Variants in MLLT3 observed in about 807,000 individuals in gnomAD.
The protein encoded by MLLT3 is protein AF-9.
Under a neutral mutation model 53.2 loss-of-function variants are expected in MLLT3, and 4 were observed. The ratio of observed to expected loss-of-function variants is 0.08; its 90% confidence interval spans 0.04 to 0.17. The LOEUF is 0.17. Among genes scored for constraint, MLLT3 ranks in the 10% least tolerant of loss-of-function variants. The pLI is 1.00. For synonymous variants in MLLT3, 283 were observed against 230.6 expected (o/e 1.23, Z -2.06); for missense variants, 569 against 684.0 (o/e 0.83, Z 1.87).
At chr9:20,601,376 A>G (rs1214719235) in intron 2 of MLLT3, among the ~76,000 whole-genome samples, 3 of 152,238 alleles carry the variant, frequency 2.0e-5, no homozygotes, top group Non-Finnish European at 2.9e-5. Context: ...ACACTTCACT[A>G]TAATAAATGA....
intron 2 of MLLT3, among the ~76,000 whole-genome samples, chr9:20,501,658 G>A (rs866632757): frequency 4.0e-5 from 6 of 151,346 alleles, no homozygotes; most frequent in Admixed American, 2.0e-4. Context: ...GGCTGAGGCA[G>A]GAGAATGGCG....
chr9:20,429,431 A>G (rs1823213560), intron 4 of MLLT3, among the ~76,000 whole-genome samples: 1 of 152,196 alleles, frequency 6.6e-6, no homozygotes, highest in African/African-American at 2.4e-5. Context: ...AATATTATCA[A>G]AGCAACAAAT....
intron 2 of MLLT3, among the ~76,000 whole-genome samples, chr9:20,617,694 GACCT>G (rs1820869748): frequency 6.6e-6 from 1 of 152,050 alleles, no homozygotes; most frequent in African/African-American, 2.4e-5. Flanking sequence ...ATCATACTCT[GACCT>G]ACCTGTTTTG....
rs1297168460 is a variant in MLLT3 at position 20,412,874 on chromosome 9, G to A, written c.1125+847C>T. Among the ~76,000 whole-genome samples the A allele has an allele frequency of 2.0e-5, 3 of 152,188 alleles. No individual in the cohort carries two copies. In the East Asian group the frequency reaches 5.8e-4, roughly 29 times the overall value. The stretch of plus-strand genomic sequence containing the variant: ...ATTAGTAACAACCCTGTCACTAGAA[G>A]TGTAAGGTTTACTACAGAGGTTAAA... On this transcript the variant is annotated intron_variant, in intron 5 of 10. Transcript: ENST00000380338.
chr9:20,418,585 T>C (rs1822933487), intron 4 of MLLT3, among the ~76,000 whole-genome samples: 1 of 152,166 alleles, frequency 6.6e-6, no homozygotes, highest in African/African-American at 2.4e-5. Context: ...GTGCAGGATT[T>C]GCTCTGCTTG....
chr9:20,424,107 G>A (rs1404857355), intron 4 of MLLT3, among the ~76,000 whole-genome samples: 1 of 152,126 alleles, frequency 6.6e-6, no homozygotes, highest in African/African-American at 2.4e-5. Flanking sequence ...ATGCCATTTT[G>A]TACAAGGGAT....
chr9:20,592,679 TTAAAG>T lies in MLLT3; in HGVS notation c.193+27970_193+27974del, dbSNP rs547110791. ...TATAACTGGCTATAATTTTTATAAC[TTAAAG>T]TAATCATTACTTCAAAAACTTTGAA... is the stretch of plus-strand genomic sequence containing the variant. On this transcript the variant is annotated intron_variant, in intron 2 of 10. Coordinates refer to ENST00000380338, the MANE Select transcript of MLLT3 (RefSeq NM_004529.4). Among the ~76,000 whole-genome samples the T allele has an allele frequency of 5.9e-5, 9 of 152,316 alleles. No homozygotes were observed. In the South Asian group the frequency reaches 8.3e-4, roughly 14 times the overall value.
Position 20,611,388 on chromosome 9 carries a change from T to C in MLLT3, c.193+9266A>G, listed in dbSNP as rs551137076. 2.0e-5 allele frequency among the ~76,000 whole-genome samples: 3 copies of C among 152,234 alleles called. No homozygotes were observed. In the East Asian group the frequency reaches 5.8e-4, roughly 29 times the overall value. ...TATTATTAATACTTCAGGAAACTGTTAATATATATTTTGCTTTTAAAAATC... is the reference window on the plus strand; with the variant it reads ...TATTATTAATACTTCAGGAAACTGTCAATATATATTTTGCTTTTAAAAATC... On this transcript the variant is annotated intron_variant, in intron 2 of 10. Coordinates refer to ENST00000380338, the MANE Select transcript of MLLT3 (RefSeq NM_004529.4).
Position 20,362,527 on chromosome 9 carries a change from T to C in MLLT3, c.1331+949A>G, listed in dbSNP as rs142903967. ...ATATTAAAGAGGTTATATTCTCCTATTTAAAAGGAATGCTGACAGGTTGGT... is the reference window on the plus strand; with the variant it reads ...ATATTAAAGAGGTTATATTCTCCTACTTAAAAGGAATGCTGACAGGTTGGT... On this transcript the variant is annotated intron_variant, in intron 7 of 10. Transcript: ENST00000380338. 2.3e-3 allele frequency among the ~76,000 whole-genome samples: 345 copies of C among 152,204 alleles called. 2 individuals carry two copies. The highest frequency in any genetic ancestry group is 8.0e-3 in the African/African-American group (333 of 41,518).
intron 2 of MLLT3, among the ~76,000 whole-genome samples, chr9:20,488,327 A>G (rs1415277292): frequency 1.3e-5 from 2 of 152,114 alleles, no homozygotes; most frequent in Non-Finnish European, 2.9e-5. Flanking sequence ...ATGACACTGA[A>G]CTGTACACTT....
intron 2 of MLLT3, among the ~76,000 whole-genome samples, chr9:20,609,123 T>G (rs1820639519): frequency 6.6e-6 from 1 of 152,068 alleles, no homozygotes; most frequent in Non-Finnish European, 1.5e-5. Flanking sequence ...CAGCTCTATT[T>G]TAAATGTCTG....
At chr9:20,546,204 TA>T (rs1342545742) in intron 2 of MLLT3, among the ~76,000 whole-genome samples, 1 of 152,086 alleles carries the variant, frequency 6.6e-6, no homozygotes, top group Non-Finnish European at 1.5e-5. Context: ...ACACAGATTG[TA>T]AAAAGAGAGA....
At chr9:20,434,303 C>T (rs1318316840) in intron 4 of MLLT3, among the ~76,000 whole-genome samples, 1 of 151,944 alleles carries the variant, frequency 6.6e-6, no homozygotes, top group African/African-American at 2.4e-5. Context: ...TATTCAGGGA[C>T]AACGGAGCAT....
At chr9:20,478,918 T>C (rs372035373) in intron 2 of MLLT3, among the ~76,000 whole-genome samples, 7 of 152,228 alleles carry the variant, frequency 4.6e-5, no homozygotes, top group South Asian at 2.1e-4. Context: ...GAATTTTCCA[T>C]AGAGGGCCTG....
chr9:20,434,861 C>T (rs969627223), intron 4 of MLLT3, among the ~76,000 whole-genome samples: 3 of 152,080 alleles, frequency 2.0e-5, no homozygotes, highest in Non-Finnish European at 4.4e-5. Flanking sequence ...AGACAATAAA[C>T]TTGTAATATA....
Position 20,365,511 on chromosome 9 carries a change from G to A in MLLT3, c.1201+158C>T, listed in dbSNP as rs374964151. On this transcript the variant is annotated intron_variant, in intron 6 of 10. Coordinates refer to ENST00000380338, the MANE Select transcript of MLLT3 (RefSeq NM_004529.4). ...TGCCACCACGCCTGGCTAATTTTTT[G>A]TATTTTTAGTAGAGACGTTTACTAA... Among the ~76,000 whole-genome samples the A allele has an allele frequency of 3.9e-5, 6 of 152,116 alleles. No homozygotes were observed. In the East Asian group the frequency reaches 7.7e-4, roughly 20 times the overall value.
chr9:20,582,529 A>G (rs1819820448), intron 2 of MLLT3, among the ~76,000 whole-genome samples: 1 of 152,164 alleles, frequency 6.6e-6, no homozygotes, highest in Non-Finnish European at 1.5e-5. Context: ...TCAATTGGCA[A>G]TATGCACTTG....
chr9:20,416,880 C>G (rs1822884597), intron 4 of MLLT3, among the ~76,000 whole-genome samples: 1 of 152,060 alleles, frequency 6.6e-6, no homozygotes, highest in African/African-American at 2.4e-5. Context: ...TGTCCTGGGC[C>G]CATGACCAAT....
chr9:20,561,952 G>T (rs1587071345), intron 2 of MLLT3, among the ~76,000 whole-genome samples: 2 of 149,124 alleles, frequency 1.3e-5, no homozygotes. Context: ...TTGAGGGGTG[G>T]GGGGGCAGAG....
Sources: allele counts gnomAD v4.1 joint callset (sites outside exome capture counted in the v4.1 genomes callset), GRCh38; gene constraint gnomAD v4.1.1; transcripts MANE v1.5; gene names NCBI Gene and HGNC (gene_info 2026-07-23, HGNC 2026-07-21).